Variants in URI1 observed in about 807,000 individuals in gnomAD.
URI1 encodes the protein URI1 prefoldin like chaperone, also known as unconventional prefoldin RPB5 interactor 1.
In URI1, 39 loss-of-function variants were observed where a neutral mutation model predicts 60.2. That is an observed-to-expected ratio of 0.65 (90% CI 0.50 to 0.85). The LOEUF is 0.85. URI1 is among the 40% of genes least tolerant of loss of function. URI1 has a pLI of 0.00. For missense variants in URI1, 691 were observed against 665.9 expected, an observed-to-expected ratio of 1.04 and a Z score of -0.42; for synonymous variants, 251 against 236.8, an observed-to-expected ratio of 1.06 and a Z score of -0.55.
chr19:29,995,344 G>GT (rs1288690533), intron 4 of URI1, among the ~76,000 whole-genome samples: 20 of 152,038 alleles, frequency 1.3e-4, no homozygotes, highest in African/African-American at 4.8e-4. Context: ...ATCTTTTCAT[G>GT]TGTTTATTGG....
intron 1 of URI1, among the ~76,000 whole-genome samples, chr19:29,951,164 A>G (rs2055175050): frequency 6.6e-6 from 1 of 152,146 alleles, no homozygotes; most frequent in South Asian, 2.1e-4. Context: ...ACATCAGGAG[A>G]CACATAATGT....
chr19:30,004,943 G>T (rs1363305984), intron 4 of URI1, among the ~76,000 whole-genome samples: 1 of 151,968 alleles, frequency 6.6e-6, no homozygotes, highest in Admixed American at 6.6e-5. Context: ...AATATTTTCT[G>T]TTCAGGAACA....
rs1354785185 is a variant in URI1, at chr19:30,015,444, A to G, written c.*375A>G. ...TGTGCATACCATATGGACCATTTTA[A>G]AGAAAATTTTAAAATTTCAAATAGA... On this transcript the variant is annotated 3_prime_UTR_variant, in exon 11 of 11. Coordinates refer to ENST00000392271, the MANE Select transcript of URI1 (RefSeq NM_003796.3). 11 of 1,508,648 alleles carry G rather than the reference A, an allele frequency of 7.3e-6. No individual in the cohort carries two copies. The highest frequency in any genetic ancestry group is 8.8e-6 in the Non-Finnish European group (10 of 1,137,472). The allele number at this position is 1,508,648 out of a possible 1,614,324, so 93.5% of individuals were successfully genotyped here.
chr19:29,998,139 A>G (rs1019942519), intron 4 of URI1, among the ~76,000 whole-genome samples: 7 of 151,866 alleles, frequency 4.6e-5, no homozygotes, highest in African/African-American at 1.5e-4. Flanking sequence ...ACTTTTTCCA[A>G]TTTTCCTTCT....
intron 1 of URI1, among the ~76,000 whole-genome samples, chr19:29,946,969 A>G (rs775603857): frequency 1.3e-5 from 2 of 152,192 alleles, no homozygotes; most frequent in Non-Finnish European, 2.9e-5. Flanking sequence ...AAAAACAGGA[A>G]GGTAAGAGGC....
At chr19:29,973,216 G>A (rs908920869) in intron 2 of URI1, among the ~76,000 whole-genome samples, 1 of 152,052 alleles carries the variant, frequency 6.6e-6, no homozygotes, top group East Asian at 1.9e-4. Flanking sequence ...TGCCAGTATT[G>A]TGCTGCTGTT....
At chr19:29,978,111 A>G (rs573078506) in intron 2 of URI1, among the ~76,000 whole-genome samples, 1 of 152,284 alleles carries the variant, frequency 6.6e-6, no homozygotes, top group Non-Finnish European at 1.5e-5. Context: ...AATGATTTTT[A>G]ACTTGTAATT....
At chr19:29,926,648 C>T (rs2054870724) in intron 1 of URI1, among the ~76,000 whole-genome samples, 1 of 152,154 alleles carries the variant, frequency 6.6e-6, no homozygotes, top group South Asian at 2.1e-4. Context: ...TGAAAATTCG[C>T]TAAGGATTTG....
chr19:30,015,206 ACCC>A lies in URI1; in HGVS notation c.*138_*140del, dbSNP rs1486424093. 5 of 1,427,886 alleles carry A rather than the reference ACCC, an allele frequency of 3.5e-6. No individual in the cohort carries two copies. Among genetic ancestry groups the A allele is most frequent in the Non-Finnish European group, 4.6e-6 (5 of 1,093,700 alleles). 88.5% of individuals were successfully genotyped at this position (1,427,886 alleles called of 1,614,324 possible). A position where few individuals can be genotyped will look rare whatever the true frequency, so the allele number is the denominator to read the frequency against. On this transcript the variant is annotated 3_prime_UTR_variant, in exon 11 of 11. Transcript: ENST00000392271. Reference sequence around the variant, plus strand: ...TTTGGCAACAAGTTCTTTTACCCTTACCCGTGGTATTTGAAAAAAATCAAGGTA... The same window carrying A: ...TTTGGCAACAAGTTCTTTTACCCTTAGTGGTATTTGAAAAAAATCAAGGTA...
chr19:29,992,199 A>G (rs2055755186), intron 4 of URI1, among the ~76,000 whole-genome samples: 1 of 152,148 alleles, frequency 6.6e-6, no homozygotes, highest in Non-Finnish European at 1.5e-5. Context: ...CCTCCCGAGT[A>G]GTGGGGATTA....
chr19:30,011,421 A>C (rs935269061), intron 9 of URI1, among the ~76,000 whole-genome samples, 185 bp downstream of exon 9: 2 of 151,846 alleles, frequency 1.3e-5, no homozygotes, highest in Non-Finnish European at 2.9e-5. Flanking sequence ...AGCAGTGGGA[A>C]TGGAGGATTT....
At chr19:29,945,815 T>C (rs1186346927) in intron 1 of URI1, among the ~76,000 whole-genome samples, 2 of 152,158 alleles carry the variant, frequency 1.3e-5, no homozygotes, top group Non-Finnish European at 2.9e-5. Flanking sequence ...GTTTTAAAAG[T>C]ACACAATTTT....
intron 1 of URI1, among the ~76,000 whole-genome samples, chr19:29,963,769 C>T (rs954338497): frequency 1.3e-5 from 2 of 152,158 alleles, no homozygotes; most frequent in African/African-American, 2.4e-5. Flanking sequence ...CACCTTACTC[C>T]GGGCAGGTGC....
At chr19:29,977,577 C>A (rs1223169699) in intron 2 of URI1, among the ~76,000 whole-genome samples, 1 of 11,084 alleles carries the variant, frequency 9.0e-5, no homozygotes, top group Admixed American at 8.4e-4. Context: ...TTTTTTTTTC[C>A]CTCCTCTTGA....
chr19:29,928,622 G>A (rs533862234), intron 1 of URI1, among the ~76,000 whole-genome samples: 104 of 152,280 alleles, frequency 6.8e-4, no homozygotes, highest in Non-Finnish European at 1.2e-3. Flanking sequence ...GAGGGGAAGC[G>A]GGGAGGCTCT....
At position 29,942,625 on chromosome 19, in the gene URI1, C is replaced by T. The variant is rs922345674; in HGVS notation, c.78C>T (p.Arg26=). Residue 26 remains arginine, a synonymous_variant, in exon 1 of 11, where the codon CGC becomes CGT. Coordinates refer to ENST00000392271, the MANE Select transcript of URI1 (RefSeq NM_003796.3). The part of the protein sequence containing the change: ...SAPAPALVPL[R]APDVARLREE... ...CGGCCCCTGCCCTGGTTCCGTTGCG[C>T]GCCCCGGATGTGGCGCGGCTGCGCG... 4 of 1,469,906 alleles carry T rather than the reference C, an allele frequency of 2.7e-6. No homozygotes were observed. Among genetic ancestry groups the T allele is most frequent in the African/African-American group, 1.5e-5 (1 of 67,978 alleles). The allele number at this position is 1,469,906 out of a possible 1,614,324, so 91.1% of individuals were successfully genotyped here.
At chr19:29,957,106 A>G (rs1366009328) in intron 1 of URI1, 1 of 465,692 alleles carries the variant, frequency 2.1e-6, no homozygotes, top group African/African-American at 2.0e-5. Context: ...ATCAGCAGGA[A>G]AACCGTAAAA....
intron 2 of URI1, among the ~76,000 whole-genome samples, chr19:29,980,729 C>G: frequency 6.7e-6 from 1 of 150,370 alleles, no homozygotes; most frequent in South Asian, 2.1e-4. Context: ...CGAGACCAGC[C>G]TGACCAACAT....
intron 2 of URI1, among the ~76,000 whole-genome samples, chr19:29,973,977 G>T (rs1056862209): frequency 6.6e-6 from 1 of 152,112 alleles, no homozygotes; most frequent in Non-Finnish European, 1.5e-5. Flanking sequence ...TAAAGTATGA[G>T]GATACTTCCC....
Sources: allele counts gnomAD v4.1 joint callset (sites outside exome capture counted in the v4.1 genomes callset), GRCh38; gene constraint gnomAD v4.1.1; transcripts MANE v1.5; gene names NCBI Gene and HGNC (gene_info 2026-07-23, HGNC 2026-07-21).